Variants in MGLL observed in about 807,000 individuals in gnomAD.
MGLL encodes the protein monoglyceride lipase, also known as lysophospholipase homolog.
In MGLL, 7 loss-of-function variants were observed where a neutral mutation model predicts 29.1. That is an observed-to-expected ratio of 0.24 (90% CI 0.14 to 0.45). The LOEUF (loss-of-function observed/expected upper bound fraction) is 0.45, where lower values mean the gene tolerates loss of function less well. Among genes scored for constraint, MGLL ranks in the 20% least tolerant of loss-of-function variants. The pLI is 0.99. For synonymous variants in MGLL, 148 were observed against 168.3 expected, an observed-to-expected ratio of 0.88 and a Z score of 0.93; for missense variants, 356 against 413.6, an observed-to-expected ratio of 0.86 and a Z score of 1.21.
chr3:127,755,852 G>T (rs1199990821), intron 3 of MGLL, among the ~76,000 whole-genome samples: 1 of 152,168 alleles, frequency 6.6e-6, no homozygotes, highest in Non-Finnish European at 1.5e-5. Flanking sequence ...GTAACTGGTG[G>T]ACATGGCCGT....
At chr3:127,766,586 GGTGCTGTGT>G (rs2076859927) in intron 3 of MGLL, among the ~76,000 whole-genome samples, 1 of 152,060 alleles carries the variant, frequency 6.6e-6, no homozygotes, top group Admixed American at 6.6e-5. Context: ...TCTTATAAAG[GGTGCTGTGT>G]CCTCAAAAAC....
At chr3:127,733,616 A>T (rs1026497692) in intron 3 of MGLL, among the ~76,000 whole-genome samples, 10 of 152,174 alleles carry the variant, frequency 6.6e-5, no homozygotes, top group African/African-American at 2.4e-4. Context: ...CATGGTAAGG[A>T]TGCTGGCCTC....
At chr3:127,802,508 C>G (rs1160223643) in intron 2 of MGLL, among the ~76,000 whole-genome samples, 1 of 152,206 alleles carries the variant, frequency 6.6e-6, no homozygotes, top group Non-Finnish European at 1.5e-5. Flanking sequence ...TAATCACCCC[C>G]CTTGTACTAG....
chr3:127,745,007 C>T (rs35307554), intron 3 of MGLL, among the ~76,000 whole-genome samples: 11,860 of 152,230 alleles, frequency 0.078, 606 homozygotes, highest in South Asian at 0.17. Flanking sequence ...ACCTGCTGAC[C>T]GGCAGAGTCC....
At chr3:127,806,882 C>A (rs1482018449) in intron 2 of MGLL, among the ~76,000 whole-genome samples, 1 of 152,104 alleles carries the variant, frequency 6.6e-6, no homozygotes, top group Non-Finnish European at 1.5e-5. Context: ...CAAAAATTAG[C>A]CAGATTCAGT....
At chr3:127,721,885 G>A (rs1191274228) in intron 4 of MGLL, among the ~76,000 whole-genome samples, 1 of 152,184 alleles carries the variant, frequency 6.6e-6, no homozygotes, top group Non-Finnish European at 1.5e-5. Flanking sequence ...GATTTGGCCT[G>A]TGGGCTGCCA....
chr3:127,775,508 C>G (rs556045341), intron 3 of MGLL, among the ~76,000 whole-genome samples: 6 of 152,096 alleles, frequency 3.9e-5, no homozygotes, highest in African/African-American at 9.7e-5. Context: ...AGGACCCACC[C>G]GCCAAGGAGA....
intron 3 of MGLL, among the ~76,000 whole-genome samples, chr3:127,730,726 C>A (rs2076134964): frequency 6.6e-6 from 1 of 152,206 alleles, no homozygotes; most frequent in Non-Finnish European, 1.5e-5. Context: ...CTCGTTTTCT[C>A]CTCTAGCACC....
intron 2 of MGLL, among the ~76,000 whole-genome samples, chr3:127,785,050 G>A (rs2077190008): frequency 6.6e-6 from 1 of 152,066 alleles, no homozygotes; most frequent in African/African-American, 2.4e-5. Context: ...GGTGGGGGTG[G>A]TCCTAGGGTT....
At chr3:127,720,881 A>C (rs1353003700) in intron 5 of MGLL, among the ~76,000 whole-genome samples, 172 bp downstream of exon 5, 1 of 152,214 alleles carries the variant, frequency 6.6e-6, no homozygotes, top group Non-Finnish European at 1.5e-5. Flanking sequence ...CTGCCTTTAG[A>C]AATTACAGAA....
chr3:127,737,394 C>T (rs1473814526), intron 3 of MGLL, among the ~76,000 whole-genome samples: 2 of 150,988 alleles, frequency 1.3e-5, no homozygotes, highest in African/African-American at 4.9e-5. Context: ...CACAAGCCCA[C>T]GTCAGAAGGT....
rs566523788 is a variant in MGLL, at chr3:127,752,166, G to A, written c.263-29600C>T. Among the ~76,000 whole-genome samples, 233 of 151,706 alleles carry A rather than the reference G, an allele frequency of 1.5e-3. 5 individuals carry two copies. The South Asian group carries it at 0.045, about 29-fold the overall frequency. On this transcript the variant is annotated intron_variant, in intron 3 of 7. Transcript: ENST00000265052. ...AGGCTGGGGTGCAATGGCCAGTGTC[G>A]GCTCATTGCAACCTCTGCCTCCTGG...
chr3:127,725,071 C>T (rs2076006095), intron 3 of MGLL, among the ~76,000 whole-genome samples: 1 of 152,122 alleles, frequency 6.6e-6, no homozygotes, highest in South Asian at 2.1e-4. Flanking sequence ...GGCCCTTTTC[C>T]CACCTACATT....
At position 127,695,158 on chromosome 3, in the gene MGLL, G is replaced by A. The variant is rs759516412; in HGVS notation, c.633C>T (p.Cys211=). 2.9e-5 allele frequency: 47 copies of A among 1,614,156 alleles called. No homozygotes were observed. Among genetic ancestry groups the A allele is most frequent in the Non-Finnish European group, 3.6e-5 (43 of 1,180,044 alleles). ...CGAAGCACACCTTCAGCCCTGCCCG[G>A]CAGATCAGGGGGTCTGAGTTATAAA... ...VDIYNSDPLI[C]RAGLKVCFGI... The change falls in exon 7 of 8, where the codon TGC becomes TGT. Residue 211 remains cysteine (C), a synonymous_variant. Coordinates refer to ENST00000265052, the MANE Select transcript of MGLL (RefSeq NM_007283.7).
chr3:127,695,046 C>A lies in MGLL; in HGVS notation c.745G>T (p.Asp249Tyr). Residue 249 changes from aspartate to tyrosine, a missense_variant, in exon 7 of 8, where the codon GAT (aspartate) becomes TAT (tyrosine). By Grantham distance (160) the Asp-to-Tyr change is radical. Coordinates refer to ENST00000265052, the MANE Select transcript of MGLL (RefSeq NM_007283.7). ...GCCCCTTTGCTGTCACATAGGCGATCGGCAGAGCCCTGGAGCAGCAGGAAG... is the reference window on the plus strand; with the variant it reads ...GCCCCTTTGCTGTCACATAGGCGATAGGCAGAGCCCTGGAGCAGCAGGAAG... ...VPFLLLQGSA[D>Y]RLCDSKGAYL... 2.5e-6 allele frequency: 4 copies of A among 1,614,030 alleles called. No homozygotes were observed. The highest frequency in any genetic ancestry group is 3.4e-6 in the Non-Finnish European group (4 of 1,180,022).
intron 2 of MGLL, among the ~76,000 whole-genome samples, chr3:127,812,944 T>C (rs1044461087): frequency 3.9e-5 from 6 of 152,136 alleles, no homozygotes; most frequent in African/African-American, 1.4e-4. Context: ...TCAGAGAGGC[T>C]ATGTTTCCCT....
chr3:127,726,251 G>C (rs1052382780), intron 3 of MGLL, among the ~76,000 whole-genome samples: 11 of 139,522 alleles, frequency 7.9e-5, no homozygotes, highest in African/African-American at 3.0e-4. Context: ...AGGAAGGGAG[G>C]GAAAGAGAGA....
At chr3:127,717,262 C>G (rs2075833934) in intron 5 of MGLL, among the ~76,000 whole-genome samples, 1 of 152,160 alleles carries the variant, frequency 6.6e-6, no homozygotes, top group African/African-American at 2.4e-5. Flanking sequence ...CAAGGGCCTT[C>G]TGGATTCTAT....
At chr3:127,692,718 T>A (rs1183179646) in intron 7 of MGLL, among the ~76,000 whole-genome samples, 1 of 152,202 alleles carries the variant, frequency 6.6e-6, no homozygotes, top group East Asian at 1.9e-4. Context: ...CAACCCACGG[T>A]GGCTAGCCTG....
Sources: gnomAD v4.1 joint callset for allele counts (sites outside exome capture counted in the v4.1 genomes callset) on GRCh38, gnomAD v4.1.1 for gene constraint, MANE v1.5 for transcripts, NCBI Gene and HGNC (gene_info 2026-07-23, HGNC 2026-07-21) for gene names.